Variants in GRIK5 observed in about 807,000 individuals in gnomAD.
GRIK5 encodes glutamate ionotropic receptor kainate type subunit 5, also known as glutamate receptor ionotropic, kainate 5.
Under a neutral mutation model 97.4 loss-of-function variants are expected in GRIK5, and 43 were observed. That is an observed-to-expected ratio of 0.44 (90% CI 0.35 to 0.57). GRIK5 has a LOEUF of 0.57. GRIK5 is among the 20% of genes least tolerant of loss of function. The pLI, the probability that GRIK5 is intolerant of heterozygous loss-of-function variation, is 0.01. For missense variants in GRIK5, 1,015 were observed against 1,382.0 expected (o/e 0.73, Z 4.21); for synonymous variants, 580 against 583.5 (o/e 0.99, Z 0.09).
chr19:42,056,546 G>A lies in GRIK5; in HGVS notation c.903+116C>T, dbSNP rs574907129. 1.1e-3 allele frequency: 891 copies of A among 820,592 alleles called. 3 individuals carry two copies. The highest frequency in any genetic ancestry group is 3.3e-3 in the Middle Eastern group (9 of 2,734). 50.8% of individuals were successfully genotyped at this position (820,592 alleles called of 1,614,324 possible). The stretch of plus-strand genomic sequence containing the variant: ...CCAATGCATCACAAGGCCACACCAC[G>A]AGGCCTCAGGGAGGGCGAGAGGGTT... On this transcript the variant is annotated intron_variant, in intron 8 of 19. Transcript: ENST00000593562.
rs782462974 is a variant in GRIK5 at position 42,003,042 on chromosome 19, CTCT to C, written c.2514+287_2514+289del. On this transcript the variant is annotated intron_variant, in intron 19 of 19. Coordinates refer to ENST00000593562, the MANE Select transcript of GRIK5 (RefSeq NM_002088.5). This position sits in a 1 kb window ranked among gnomAD's most constrained non-coding sequence, Gnocchi z 4.2. ...TGAGCCACTGCACTTGGCCCTGTTT[CTCT>C]TCTTATTTCTTCTTGCTTTTCTGCC... Among the ~76,000 whole-genome samples the C allele has an allele frequency of 4.2e-4, 64 of 152,132 alleles. 1 individual carries two copies. Among genetic ancestry groups the C allele is most frequent in the East Asian group, 7.7e-4 (4 of 5,172 alleles).
At chr19:42,038,172 G>A (rs1049926931) in intron 12 of GRIK5, among the ~76,000 whole-genome samples, 1 of 152,200 alleles carries the variant, frequency 6.6e-6, no homozygotes, top group South Asian at 2.1e-4. Context: ...GGAGAGACTA[G>A]AAGCCAGGAG....
rs2075710685 is a variant in GRIK5, at chr19:42,022,377, G to C, written c.1474-23C>G. On this transcript the variant is annotated intron_variant, in intron 12 of 19. Coordinates refer to ENST00000593562, the MANE Select transcript of GRIK5 (RefSeq NM_002088.5). This position sits in a 1 kb window ranked among gnomAD's most constrained non-coding sequence, Gnocchi z 4.2. ...CTTCTGCTGGAGGGGAAGCCGGGCA[G>C]GGGTGGAGGGGGACAGAGGGGAAGA... The C allele has an allele frequency of 1.3e-6, 2 of 1,590,448 alleles. No individual in the cohort carries two copies. The highest frequency in any genetic ancestry group is 1.7e-6 in the Non-Finnish European group (2 of 1,160,120).
In GRIK5 at chr19:42,003,766, C is replaced by T. The variant is rs1599741647; in HGVS notation, c.2264-83G>A. ...CAAACCCCAAACTGTGCCCTCACCA[C>T]GGCCTTCCCCCGCCTCTACCACGTG... On this transcript the variant is annotated intron_variant, in intron 17 of 19. Transcript: ENST00000593562. The surrounding 1 kb of genome is among the most constrained non-coding windows in gnomAD (Gnocchi z 4.2). 6 of 1,411,780 alleles carry T rather than the reference C, an allele frequency of 4.2e-6. No homozygotes were observed. The highest frequency in any genetic ancestry group is 2.5e-5 in the East Asian group (1 of 39,550). 87.5% of individuals were successfully genotyped at this position (1,411,780 alleles called of 1,614,324 possible).
chr19:42,038,403 T>C (rs1477441121), intron 12 of GRIK5, among the ~76,000 whole-genome samples: 1 of 152,242 alleles, frequency 6.6e-6, no homozygotes, highest in African/African-American at 2.4e-5. Context: ...TGGGCCACCC[T>C]GATGGGGTGC....
rs1205531444 is a variant in GRIK5, at chr19:42,057,233, A to AGAGATTTTGCTAGAG, written c.688-270_688-256dup. Among the ~76,000 whole-genome samples, 13 of 152,184 alleles carry AGAGATTTTGCTAGAG rather than the reference A, an allele frequency of 8.5e-5. No individual in the cohort carries two copies. The South Asian group carries it at 2.7e-3, about 32-fold the overall frequency. ...CCCAGGTGGGACATTTTGCTAGAGG[A>AGAGATTTTGCTAGAG]GAGATTTTGCTAGAGGAGATTTTGC... On this transcript the variant is annotated intron_variant, in intron 6 of 19. Transcript: ENST00000593562.
In GRIK5 at chr19:42,056,656, G is replaced by T. The variant is rs2076189557; in HGVS notation, c.903+6C>A. 2.5e-6 allele frequency: 4 copies of T among 1,613,204 alleles called. No homozygotes were observed. The highest frequency in any genetic ancestry group is 3.4e-6 in the Non-Finnish European group (4 of 1,179,246). ...TCTGGGTGTGACTGGGTATCTGTGT[G>T]CTCACCGCAGGGCCCAGGTAGGTGC... On this transcript the variant is annotated splice_donor_region_variant and intron_variant, in intron 8 of 19. Transcript: ENST00000593562.
Position 42,006,689 on chromosome 19 carries a change from C to T in GRIK5, c.1993G>A (p.Glu665Lys). 1 of 1,614,030 alleles carries T rather than the reference C, an allele frequency of 6.2e-7. No homozygotes were observed. Among genetic ancestry groups the T allele is most frequent in the Non-Finnish European group, 8.5e-7 (1 of 1,180,006 alleles). The part of the protein sequence containing the change: ...ADDLADQTNI[E>K]YGTIHAGSTM... ...GAGCCGGCGTGGATGGTGCCATACT[C>T]GATGTTGGTCTGATCTGCCAGGTCA... Residue 665 changes from glutamate (E) to lysine (K), a missense_variant, in exon 16 of 20, where the codon GAG becomes AAG. By Grantham distance (56) the Glu-to-Lys change is moderately conservative. Coordinates refer to ENST00000593562, the MANE Select transcript of GRIK5 (RefSeq NM_002088.5). This position sits in a 1 kb window ranked among gnomAD's most constrained non-coding sequence, Gnocchi z 5.3.
chr19:42,030,280 C>T (rs1220489907), intron 12 of GRIK5, among the ~76,000 whole-genome samples: 1 of 152,076 alleles, frequency 6.6e-6, no homozygotes, highest in Non-Finnish European at 1.5e-5. Context: ...CTCCTGGGTT[C>T]AAGCGATTCT....
intron 11 of GRIK5, among the ~76,000 whole-genome samples, chr19:42,044,027 G>A (rs888660359): frequency 6.6e-6 from 1 of 152,224 alleles, no homozygotes; most frequent in African/African-American, 2.4e-5. Context: ...ACCAGGTGGA[G>A]GTAACTGAAT....
rs371892546 is a variant in GRIK5 at position 42,056,927 on chromosome 19, T to C, written c.739A>G (p.Met247Val). ...GATGGGCCAGAGGGCATACACACCA[T>C]GGTGGTGAGGATGTACTTGTAAAAC... The part of the protein sequence containing the change: ...SAFYKYILTT[M>V]DFPILHLDGI... Residue 247 changes from methionine (M) to valine (V), a missense_variant and splice_region_variant, in exon 7 of 20, where the codon ATG becomes GTG. Met to Val is a conservative substitution (Grantham distance 21). Coordinates refer to ENST00000593562, the MANE Select transcript of GRIK5 (RefSeq NM_002088.5). 47 of 1,587,530 alleles carry C rather than the reference T, an allele frequency of 3.0e-5. No homozygotes were observed. In the African/African-American group the frequency reaches 5.8e-4, roughly 20 times the overall value.
chr19:42,042,477 G>T lies in GRIK5; in HGVS notation c.1473+75C>A. 1 of 1,356,480 alleles carries T rather than the reference G, an allele frequency of 7.4e-7. No individual in the cohort carries two copies. The highest frequency in any genetic ancestry group is 1.0e-6 in the Non-Finnish European group (1 of 979,888). 84.0% of individuals were successfully genotyped at this position (1,356,480 alleles called of 1,614,324 possible). ...ACCAGCCAGGCTGCTTCTGAGGTTC[G>T]ACTGGCTGCCCAGCTGCCCGCCCTC... On this transcript the variant is annotated intron_variant, in intron 12 of 19. Transcript: ENST00000593562. The surrounding 1 kb of genome is among the most constrained non-coding windows in gnomAD (Gnocchi z 6.9).
chr19:42,003,700 G>A lies in GRIK5; in HGVS notation c.2264-17C>T, dbSNP rs1555871711. 1.3e-5 allele frequency: 21 copies of A among 1,597,844 alleles called. No individual in the cohort carries two copies. Among genetic ancestry groups the A allele is most frequent in the Non-Finnish European group, 1.7e-5 (20 of 1,171,862 alleles). The stretch of plus-strand genomic sequence containing the variant: ...ACGGGGAGCCTGGGCAGGCACACGA[G>A]GGGCTGGACCAGCCATCGGGCCCTG... On this transcript the variant is annotated splice_polypyrimidine_tract_variant and intron_variant, in intron 17 of 19. Coordinates refer to ENST00000593562, the MANE Select transcript of GRIK5 (RefSeq NM_002088.5). This position sits in a 1 kb window ranked among gnomAD's most constrained non-coding sequence, Gnocchi z 4.2.
At chr19:42,029,785 T>C (rs2075819133) in intron 12 of GRIK5, among the ~76,000 whole-genome samples, 2 of 152,100 alleles carry the variant, frequency 1.3e-5, no homozygotes, top group Admixed American at 1.3e-4. Context: ...TCACTCCAGA[T>C]GAAAAAAGCC....
chr19:42,062,442 G>A lies in GRIK5; in HGVS notation c.508+46C>T, dbSNP rs2076270769. 1 of 1,596,472 alleles carries A rather than the reference G, an allele frequency of 6.3e-7. No individual in the cohort carries two copies. The highest frequency in any genetic ancestry group is 1.3e-5 in the African/African-American group (1 of 74,580). The stretch of plus-strand genomic sequence containing the variant: ...TGTGGGACACCAGATCTCTTGGGAA[G>A]GGGTGTCTGGGGGAACAGAAAACAA... On this transcript the variant is annotated intron_variant, in intron 5 of 19. Coordinates refer to ENST00000593562, the MANE Select transcript of GRIK5 (RefSeq NM_002088.5). This position sits in a 1 kb window ranked among gnomAD's most constrained non-coding sequence, Gnocchi z 5.3.
At chr19:42,036,488 G>T (rs1374024196) in intron 12 of GRIK5, among the ~76,000 whole-genome samples, 3 of 152,094 alleles carry the variant, frequency 2.0e-5, no homozygotes, top group African/African-American at 7.2e-5. Flanking sequence ...CTGAGTGGCT[G>T]GGACTACAGG....
At position 41,999,152 on chromosome 19, in the gene GRIK5, C is replaced by T. The variant is rs782194174; in HGVS notation, c.2662G>A (p.Gly888Ser). The change falls in exon 20 of 20, where the codon GGC (glycine) becomes AGC (serine). Residue 888 changes from glycine (G) to serine (S), a missense_variant. This residue lies in a region of GRIK5 where 229 missense variants were observed against 341.0 expected (regional missense o/e 0.67). Transcript: ENST00000593562. The surrounding 1 kb of genome is among the most constrained non-coding windows in gnomAD (Gnocchi z 5.0). ...RAVREMRLSN[G>S]KLYSAGAGGD... ...CCCGCGCCGGCCGAGTAGAGCTTGC[C>T]GTTGCTGAGGCGCATCTCGCGGACC... The T allele has an allele frequency of 2.7e-6, 4 of 1,497,552 alleles. No homozygotes were observed. The highest frequency in any genetic ancestry group is 1.8e-6 in the Non-Finnish European group (2 of 1,132,122). 92.8% of individuals were successfully genotyped at this position (1,497,552 alleles called of 1,614,324 possible).
intron 15 of GRIK5, among the ~76,000 whole-genome samples, chr19:42,019,835 AG>A (rs1182715318): frequency 6.6e-6 from 1 of 152,228 alleles, no homozygotes; most frequent in East Asian, 1.9e-4. Flanking sequence ...TAGCCCTGCC[AG>A]GAACTTGATT....
intron 15 of GRIK5, among the ~76,000 whole-genome samples, chr19:42,009,605 T>C (rs2075535533): frequency 6.6e-6 from 1 of 151,678 alleles, no homozygotes; most frequent in Non-Finnish European, 1.5e-5. Context: ...CCTTCTCTAC[T>C]AGAAATACAA....
Sources: gnomAD v4.1 joint callset for allele counts (sites outside exome capture counted in the v4.1 genomes callset) on GRCh38, gnomAD v4.1.1 for gene constraint, gnomAD v4.1.1 regional missense constraint, Gnocchi (gnomAD v3.1) non-coding constraint, MANE v1.5 for transcripts, NCBI Gene and HGNC (gene_info 2026-07-23, HGNC 2026-07-21) for gene names.